The following DSP variants were observed in gnomAD, a reference collection of about 807,000 sequenced individuals.
DSP encodes the protein desmoplakin.
In DSP, 114 loss-of-function variants were observed where a neutral mutation model predicts 290.6. The ratio of observed to expected loss-of-function variants is 0.39; its 90% CI spans 0.34 to 0.46. The LOEUF (loss-of-function observed/expected upper bound fraction) is 0.46, where lower values mean the gene tolerates loss of function less well. Among genes scored for constraint, DSP ranks in the 20% least tolerant of loss-of-function variants. The pLI is 0.99. For missense variants in DSP, 3,230 were observed against 3,495.8 expected (o/e 0.92, Z 1.92); for synonymous variants, 1,311 against 1,316.4 (o/e 1.00, Z 0.09).
At chr6:7,573,986 T>G in intron 15 of DSP, 100 bp from the exon 16 acceptor site, 2 of 1,222,676 alleles carry the variant, frequency 1.6e-6, no homozygotes, top group Non-Finnish European at 2.4e-6. Flanking sequence ...ATCATTTCAC[T>G]GTGTCTATGT....
rs574778508 is a variant in DSP, at chr6:7,582,278, G to A, written c.5380-364G>A. Among the ~76,000 whole-genome samples the A allele has an allele frequency of 1.3e-5, 2 of 148,984 alleles. No homozygotes were observed. Among genetic ancestry groups the A allele is most frequent in the South Asian group, 2.1e-4 (1 of 4,762 alleles). On this transcript the variant is annotated intron_variant, in intron 23 of 23. Transcript: ENST00000379802. The surrounding 1 kb of genome is among the most constrained non-coding windows in gnomAD (Gnocchi z 4.2). ...ATATTTGTATTGCTTCATTAAGTATGTTCATCTAGCTGTAACAGGTGAGAT... is the reference window on the plus strand; with the variant it reads ...ATATTTGTATTGCTTCATTAAGTATATTCATCTAGCTGTAACAGGTGAGAT...
intron 12 of DSP, 123 bp from the exon 13 acceptor site, chr6:7,570,314 A>G (rs1021111938): frequency 2.8e-6 from 4 of 1,409,638 alleles, no homozygotes; most frequent in Admixed American, 1.7e-5. Flanking sequence ...TTATACCTCT[A>G]CCTGTTACTT....
Position 7,583,651 on chromosome 6 carries a change from C to T in DSP, c.6389C>T (p.Ala2130Val). 4 of 1,614,132 alleles carry T rather than the reference C, an allele frequency of 2.5e-6. No homozygotes were observed. The highest frequency in any genetic ancestry group is 3.4e-6 in the Non-Finnish European group (4 of 1,180,028). Residue 2130 changes from alanine (A) to valine (V), a missense_variant, in exon 24 of 24, where the codon GCT becomes GTT. Physicochemically the swap from Ala to Val is moderately conservative, Grantham distance 64. This residue lies in a region of DSP where 1,714 missense variants were observed against 1,844.5 expected (regional missense o/e 0.93). Coordinates refer to ENST00000379802, the MANE Select transcript of DSP (RefSeq NM_004415.4). This position sits in a 1 kb window ranked among gnomAD's most constrained non-coding sequence, Gnocchi z 4.0. ...TGMRLLEAQI[A>V]SGGVVDPVNS... Reference sequence around the variant, plus strand: ...ATGCGCCTGCTGGAAGCCCAGATTGCTTCAGGGGGTGTAGTAGACCCTGTG... The same window carrying T: ...ATGCGCCTGCTGGAAGCCCAGATTGTTTCAGGGGGTGTAGTAGACCCTGTG...
intron 9 of DSP, 32 bp from the exon 10 acceptor site, chr6:7,567,749 G>A (rs1758906826): frequency 1.2e-6 from 2 of 1,613,526 alleles, no homozygotes; most frequent in African/African-American, 1.3e-5. Flanking sequence ...TTGAGTTGCT[G>A]TTCATTCACT....
In DSP at chr6:7,579,420, C is replaced by A. The variant is rs1257696096; in HGVS notation, c.3230C>A (p.Ala1077Glu). 8 of 1,614,112 alleles carry A rather than the reference C, an allele frequency of 5.0e-6. No homozygotes were observed. Among genetic ancestry groups the A allele is most frequent in the Non-Finnish European group, 5.9e-6 (7 of 1,180,034 alleles). ...TGTTCCCAGTTCAAAGCGAAGCTTG[C>A]GAGCCTGGAGGAGCTGAAGAGACAG... The part of the protein sequence containing the change: ...AECSQFKAKL[A>E]SLEELKRQAE... Residue 1077 changes from alanine (A) to glutamate (E), a missense_variant, in exon 23 of 24, where the codon GCG becomes GAG. Ala to Glu is a moderately radical substitution (Grantham distance 107). This residue lies in a region of DSP where 1,714 missense variants were observed against 1,844.5 expected (regional missense o/e 0.93). Coordinates refer to ENST00000379802, the MANE Select transcript of DSP (RefSeq NM_004415.4). The surrounding 1 kb of genome is among the most constrained non-coding windows in gnomAD (Gnocchi z 4.1).
chr6:7,558,390 G>T, intron 3 of DSP, 126 bp downstream of exon 3: 5 of 1,379,436 alleles, frequency 3.6e-6, no homozygotes, highest in Admixed American at 2.0e-5. Flanking sequence ...GGAAAGGTTT[G>T]CTTACTTGGT....
chr6:7,566,178 C>G (rs1276435243), intron 7 of DSP, among the ~76,000 whole-genome samples, 199 bp from the exon 8 acceptor site: 1 of 152,052 alleles, frequency 6.6e-6, no homozygotes, highest in African/African-American at 2.4e-5. Context: ...CTTGAGTAAG[C>G]CTCTGCCACA....
At chr6:7,569,056 T>C (rs892565418) in intron 11 of DSP, 130 bp from the exon 12 acceptor site, 1 of 1,259,142 alleles carries the variant, frequency 7.9e-7, no homozygotes, top group African/African-American at 1.5e-5. Flanking sequence ...GATGATCAGC[T>C]TCATTTGAGG....
At chr6:7,560,871 G>GT (rs1484939616) in intron 4 of DSP, among the ~76,000 whole-genome samples, 1 of 152,094 alleles carries the variant, frequency 6.6e-6, no homozygotes, top group Non-Finnish European at 1.5e-5. Flanking sequence ...TTTATGTTGG[G>GT]TGTAGCTTAA....
In DSP at chr6:7,566,407, A is replaced by C. The variant is rs778530358; in HGVS notation, c.970A>C (p.Lys324Gln). ...IRMSQLEVKE[K>Q]ELNKLKQESD... The stretch of plus-strand genomic sequence containing the variant: ...CATGAGTCAACTGGAAGTTAAAGAA[A>C]AAGAGCTCAATAAGCTGAAACAAGA... The change falls in exon 8 of 24, where the codon AAA becomes CAA. Residue 324 changes from lysine to glutamine, a missense_variant. Around this residue, in one of 5 missense-constraint regions of DSP, gnomAD observed 646 missense variants for 684.3 expected, o/e 0.94. Transcript: ENST00000379802. 1 of 1,613,974 alleles carries C rather than the reference A, an allele frequency of 6.2e-7. No homozygotes were observed.
chr6:7,558,342 C>G, intron 3 of DSP, 78 bp downstream of exon 3: 1 of 1,549,418 alleles, frequency 6.5e-7, no homozygotes, highest in Non-Finnish European at 8.8e-7. Context: ...AATTCCATGA[C>G]CCAGGGCTTC....
At chr6:7,545,698 C>T (rs72825059) in intron 1 of DSP, among the ~76,000 whole-genome samples, 4,470 of 152,282 alleles carry the variant, frequency 0.029, 98 homozygotes, top group Middle Eastern at 0.058. Flanking sequence ...GAGGGGTGTA[C>T]GTGACTTCAG....
chr6:7,549,736 A>G (rs1355971310), intron 1 of DSP, among the ~76,000 whole-genome samples: 1 of 152,102 alleles, frequency 6.6e-6, no homozygotes, highest in Non-Finnish European at 1.5e-5. Flanking sequence ...GCCTGTGTTG[A>G]CTGAATGAAC....
intron 4 of DSP, among the ~76,000 whole-genome samples, chr6:7,560,038 A>G (rs1758630509): frequency 2.0e-5 from 3 of 152,248 alleles, no homozygotes; most frequent in Admixed American, 6.5e-5. Context: ...TTCAAGACTA[A>G]TGATTGTTGT....
Position 7,583,585 on chromosome 6 carries a change from C to G in DSP, c.6323C>G (p.Ser2108Ter). The change falls in exon 24 of 24, where the codon TCA (serine) becomes TGA (stop). Residue 2108 changes from serine to a stop codon, truncating the protein, a stop_gained. Transcript: ENST00000379802. LOFTEE classifies it high-confidence loss of function. This position sits in a 1 kb window ranked among gnomAD's most constrained non-coding sequence, Gnocchi z 4.0. ...DPFSGKTVSV[S>*]EAIKKNLIDR... is the part of the protein sequence containing the mutation. ...TTTTCAGGCAAGACAGTATCTGTTT[C>G]AGAAGCCATCAAGAAAAATTTGATT... The G allele has an allele frequency of 6.2e-7, 1 of 1,614,122 alleles. No individual in the cohort carries two copies. The highest frequency in any genetic ancestry group is 8.5e-7 in the Non-Finnish European group (1 of 1,180,030).
In DSP at chr6:7,584,911, G is replaced by A. The variant is rs747888943; in HGVS notation, c.7649G>A (p.Gly2550Asp). ...DRKFFDQYRS[G>D]SLSLTQFADM... ...AAGTTCTTTGATCAGTACCGATCCG[G>A]CAGCCTCAGCCTCACTCAATTTGCT... The change falls in exon 24 of 24, where the codon GGC (glycine) becomes GAC (aspartate). Residue 2550 changes from glycine to aspartate, a missense_variant. By Grantham distance (94) the Gly-to-Asp change is moderately conservative (BLOSUM62 -1). Around this residue, in one of 5 missense-constraint regions of DSP, gnomAD observed 582 missense variants for 555.4 expected, o/e 1.05. Transcript: ENST00000379802. This position sits in a 1 kb window ranked among gnomAD's most constrained non-coding sequence, Gnocchi z 6.4. 10 of 1,614,182 alleles carry A rather than the reference G, an allele frequency of 6.2e-6. No individual in the cohort carries two copies. The highest frequency in any genetic ancestry group is 8.5e-6 in the Non-Finnish European group (10 of 1,180,030).
chr6:7,554,429 T>C (rs1408697820), intron 1 of DSP, among the ~76,000 whole-genome samples: 2 of 152,158 alleles, frequency 1.3e-5, no homozygotes, highest in Non-Finnish European at 2.9e-5. Flanking sequence ...CACCGTTGTT[T>C]TAAGGTTTCT....
Position 7,568,717 on chromosome 6 carries a change from T to G in DSP, c.1419+128T>G, listed in dbSNP as rs1251644474. 1.5e-5 allele frequency: 16 copies of G among 1,039,962 alleles called. No homozygotes were observed. The African/African-American group carries it at 1.6e-4, about 10-fold the overall frequency. 64.4% of individuals were successfully genotyped at this position (1,039,962 alleles called of 1,614,324 possible). ...CAGTCAATGTCTTTGATCTATGAAA[T>G]CAGCAGCTATGGAACAAAAGCAGCA... On this transcript the variant is annotated intron_variant, in intron 11 of 23. Transcript: ENST00000379802.
chr6:7,552,485 C>T (rs1360039570), intron 1 of DSP, among the ~76,000 whole-genome samples: 1 of 150,718 alleles, frequency 6.6e-6, no homozygotes, highest in Non-Finnish European at 1.5e-5. Flanking sequence ...ATCACTTGAA[C>T]CCAGGAAGTG....
Sources: gnomAD v4.1 joint callset for allele counts (sites outside exome capture counted in the v4.1 genomes callset) on GRCh38, gnomAD v4.1.1 for gene constraint, gnomAD v4.1.1 regional missense constraint, Gnocchi (gnomAD v3.1) non-coding constraint, MANE v1.5 for transcripts, NCBI Gene and HGNC (gene_info 2026-07-23, HGNC 2026-07-21) for gene names.